The following COL4A2 variants were observed in gnomAD, a reference collection of about 807,000 sequenced individuals.
The protein encoded by COL4A2 is collagen type IV alpha 2 chain, also known as collagen alpha-2(IV) chain.
Under a neutral mutation model 200.2 loss-of-function variants are expected in COL4A2, and 99 were observed. The ratio of observed to expected loss-of-function variants is 0.49; its 90% CI spans 0.42 to 0.58. The LOEUF is 0.58. Among genes scored for constraint, COL4A2 ranks in the 20% least tolerant of loss-of-function variants. The pLI is 0.00. For missense variants in COL4A2, 1,950 were observed against 2,314.1 expected, an observed-to-expected ratio of 0.84 and a Z score of 3.23; for synonymous variants, 897 against 900.6, an observed-to-expected ratio of 1.00 and a Z score of 0.07.
At chr13:110,473,676 G>A (rs7320419) in intron 29 of COL4A2, 122,222 of 152,286 alleles carry the variant, frequency 0.8, 49,170 homozygotes, top group Middle Eastern at 0.89. Flanking sequence ...CAAGGCACCC[G>A]GTGGCTTTAA....
intron 3 of COL4A2, among the ~76,000 whole-genome samples, chr13:110,338,842 G>A (rs1556124): frequency 0.76 from 115,011 of 152,208 alleles, 44,145 homozygotes; most frequent in East Asian, 0.96. Context: ...GCCCTGAGCC[G>A]GGAGGTCACA....
intron 3 of COL4A2, among the ~76,000 whole-genome samples, chr13:110,319,651 A>G (rs1007492398): frequency 1.3e-5 from 2 of 152,200 alleles, no homozygotes; most frequent in African/African-American, 4.8e-5. Flanking sequence ...TGGAAATTTC[A>G]GGGAAGAACC....
At chr13:110,469,392 A>C (rs894732614) in intron 28 of COL4A2, 68 bp downstream of exon 28, 10 of 1,446,080 alleles carry the variant, frequency 6.9e-6, no homozygotes, top group Non-Finnish European at 9.4e-6. Context: ...ATTCATAAGC[A>C]TCCAGCTCTA....
At chr13:110,328,918 T>C (rs901602256) in intron 3 of COL4A2, among the ~76,000 whole-genome samples, 2 of 152,234 alleles carry the variant, frequency 1.3e-5, no homozygotes, top group Admixed American at 6.5e-5. Context: ...GACTCACTGT[T>C]TTTAAAAGCC....
intron 4 of COL4A2, among the ~76,000 whole-genome samples, chr13:110,412,679 T>C (rs1187398313): frequency 6.6e-6 from 1 of 152,352 alleles, no homozygotes; most frequent in East Asian, 1.9e-4. Flanking sequence ...CTGAATTGCT[T>C]ACGCAGGTCT....
At chr13:110,442,087 CA>C (rs10530153) in intron 16 of COL4A2, among the ~76,000 whole-genome samples, 4,095 of 46,966 alleles carry the variant, frequency 0.087, 6 homozygotes, top group Non-Finnish European at 0.1. Flanking sequence ...CTCTCTGTCT[CA>C]AAAAAAAAAA....
At chr13:110,351,569 A>G (rs1876963576) in intron 3 of COL4A2, among the ~76,000 whole-genome samples, 1 of 152,184 alleles carries the variant, frequency 6.6e-6, no homozygotes, top group African/African-American at 2.4e-5. Context: ...TGTATAATTC[A>G]CATTTATTTT....
intron 4 of COL4A2, among the ~76,000 whole-genome samples, chr13:110,421,106 T>C (rs1252809841): frequency 6.6e-6 from 1 of 152,202 alleles, no homozygotes; most frequent in Non-Finnish European, 1.5e-5. Context: ...TTGGTGAGGA[T>C]ACAGAGGAAT....
intron 40 of COL4A2, among the ~76,000 whole-genome samples, chr13:110,501,386 C>T (rs956187979): frequency 1.3e-5 from 2 of 152,156 alleles, no homozygotes; most frequent in African/African-American, 4.8e-5. Flanking sequence ...CGGGCAGCGC[C>T]TTGGGGAAGT....
At chr13:110,318,154 A>G (rs913041817) in intron 3 of COL4A2, among the ~76,000 whole-genome samples, 4 of 152,180 alleles carry the variant, frequency 2.6e-5, no homozygotes, top group African/African-American at 9.7e-5. Context: ...ACTGAAAACT[A>G]TGTCCCAGGG....
intron 3 of COL4A2, among the ~76,000 whole-genome samples, chr13:110,344,871 C>A (rs1876628097): frequency 6.6e-6 from 1 of 152,154 alleles, no homozygotes; most frequent in African/African-American, 2.4e-5. Context: ...GAGAAGTTAA[C>A]ATGTCCATTA....
Position 110,480,405 on chromosome 13 carries a change from G to A in COL4A2, c.2758+15G>A, listed in dbSNP as rs757505507. ...CGGGCTAAAAGGTAATTGTGTGACT[G>A]TGACCAGGGATCCCTTGGCGGGGAG... On this transcript the variant is annotated intron_variant, in intron 31 of 47. Transcript: ENST00000360467. 5 of 1,603,116 alleles carry A rather than the reference G, an allele frequency of 3.1e-6. No individual in the cohort carries two copies. The highest frequency in any genetic ancestry group is 2.2e-5 in the East Asian group (1 of 44,694).
At position 110,492,168 on chromosome 13, in the gene COL4A2, G is replaced by A. The variant is rs1315639831; in HGVS notation, c.3553G>A (p.Gly1185Ser). 5 of 1,552,074 alleles carry A rather than the reference G, an allele frequency of 3.2e-6. No individual in the cohort carries two copies. Among genetic ancestry groups the A allele is most frequent in the Non-Finnish European group, 4.4e-6 (5 of 1,147,176 alleles). ...AGATGATGGCTGGCCGGGAGCTCCG[G>A]GCTTACCAGGTAAGGTCACGTAAAA... ...KGDDGWPGAP[G>S]LPGFPGLRGI... Residue 1185 changes from glycine to serine, a missense_variant, in exon 38 of 48, where the codon GGC becomes AGC. Coordinates refer to ENST00000360467, the MANE Select transcript of COL4A2 (RefSeq NM_001846.4).
intron 4 of COL4A2, among the ~76,000 whole-genome samples, chr13:110,412,471 T>C (rs893069583): frequency 2.6e-5 from 4 of 152,228 alleles, no homozygotes; most frequent in Admixed American, 2.0e-4. Context: ...TCTGCTGACC[T>C]CATACCCTGG....
intron 3 of COL4A2, among the ~76,000 whole-genome samples, chr13:110,310,021 G>A (rs78030095): frequency 6.6e-6 from 1 of 152,216 alleles, no homozygotes; most frequent in East Asian, 1.9e-4. Flanking sequence ...AAAAAACCTA[G>A]TTACTAAACA....
intron 6 of COL4A2, among the ~76,000 whole-genome samples, chr13:110,425,336 C>T (rs866952385): frequency 7.9e-5 from 12 of 152,150 alleles, no homozygotes; most frequent in African/African-American, 2.9e-4. Flanking sequence ...CATATAAAGT[C>T]GTTCAGCCAA....
chr13:110,421,316 C>T (rs1880242574), intron 4 of COL4A2, among the ~76,000 whole-genome samples: 1 of 152,208 alleles, frequency 6.6e-6, no homozygotes, highest in Admixed American at 6.5e-5. Flanking sequence ...ATATTCACAG[C>T]AGCGCTATCC....
chr13:110,359,593 A>G lies in COL4A2; in HGVS notation c.180+2041A>G, dbSNP rs183106175. ...GTCCAAATGAGTTTCCCCAAGTTGA[A>G]TCCTGAAGTCAGTTTCTACCGTAGC... On this transcript the variant is annotated intron_variant, in intron 4 of 47. Coordinates refer to ENST00000360467, the MANE Select transcript of COL4A2 (RefSeq NM_001846.4). Among the ~76,000 whole-genome samples, 4 of 152,310 alleles carry G rather than the reference A, an allele frequency of 2.6e-5. No individual in the cohort carries two copies. In the East Asian group the frequency reaches 7.7e-4, roughly 29 times the overall value.
At chr13:110,474,227 C>T (rs1393094420) in intron 29 of COL4A2, among the ~76,000 whole-genome samples, 1 of 152,186 alleles carries the variant, frequency 6.6e-6, no homozygotes, top group African/African-American at 2.4e-5. Context: ...TGCTGCCAAC[C>T]CCAGCCCGAA....
Sources: allele counts gnomAD v4.1 joint callset (sites outside exome capture counted in the v4.1 genomes callset), GRCh38; gene constraint gnomAD v4.1.1; transcripts MANE v1.5; gene names NCBI Gene and HGNC (gene_info 2026-07-23, HGNC 2026-07-21).